Variants in TMEM132B observed in about 807,000 individuals in gnomAD.
TMEM132B encodes transmembrane protein 132B.
Under a neutral mutation model 90.8 loss-of-function variants are expected in TMEM132B, and 18 were observed. The ratio of observed to expected loss-of-function variants is 0.20; its 90% CI spans 0.14 to 0.29. TMEM132B has a LOEUF of 0.29. TMEM132B is among the 10% of genes least tolerant of loss of function. The probability of loss-of-function intolerance (pLI) is 1.00; values close to 1 mark genes in which losing one functional copy is unlikely to be tolerated. For missense variants in TMEM132B, 1,096 were observed against 1,326.8 expected (o/e 0.83, Z 2.70); for synonymous variants, 504 against 523.3 (o/e 0.96, Z 0.50).
chr12:125,267,709 T>C (rs1874728657), intron 1 of TMEM132B, among the ~76,000 whole-genome samples: 1 of 152,148 alleles, frequency 6.6e-6, no homozygotes, highest in Non-Finnish European at 1.5e-5. Flanking sequence ...GAGCATGGGT[T>C]AGGGGGGCAG....
At chr12:125,650,036 C>T (rs1341543515) in intron 6 of TMEM132B, among the ~76,000 whole-genome samples, 3 of 152,116 alleles carry the variant, frequency 2.0e-5, no homozygotes, top group African/African-American at 4.8e-5. Context: ...GATCCTTTGG[C>T]AAACTTTAGG....
chr12:125,516,687 A>G (rs1361883384), intron 3 of TMEM132B, among the ~76,000 whole-genome samples: 1 of 152,214 alleles, frequency 6.6e-6, no homozygotes, highest in African/African-American at 2.4e-5. Context: ...GTATGAATCT[A>G]GCAGGATGAA....
chr12:125,582,052 G>T (rs1161564510), intron 4 of TMEM132B, among the ~76,000 whole-genome samples: 2 of 151,822 alleles, frequency 1.3e-5, no homozygotes, highest in African/African-American at 2.4e-5. Context: ...TCTTAGATTG[G>T]GTTGTTATTG....
chr12:125,406,337 G>C lies in TMEM132B; in HGVS notation c.960-9194G>C, dbSNP rs947892395. ...ATACTACCCCTGCGGGGTTGCACGAGGCATCTGTGTATTAGCAGTGCAAGG... is the reference window on the plus strand; with the variant it reads ...ATACTACCCCTGCGGGGTTGCACGACGCATCTGTGTATTAGCAGTGCAAGG... On this transcript the variant is annotated intron_variant, in intron 2 of 8. Transcript: ENST00000682704. This position sits in a 1 kb window ranked among gnomAD's most constrained non-coding sequence, Gnocchi z 8.3. Among the ~76,000 whole-genome samples the C allele has an allele frequency of 2.0e-5, 3 of 152,242 alleles. No individual in the cohort carries two copies. Among genetic ancestry groups the C allele is most frequent in the Non-Finnish European group, 4.4e-5 (3 of 68,042 alleles).
intron 4 of TMEM132B, among the ~76,000 whole-genome samples, chr12:125,560,857 A>AG (rs1373583422): frequency 6.7e-6 from 1 of 149,360 alleles, no homozygotes; most frequent in African/African-American, 2.5e-5. Flanking sequence ...AAAAAAAAAA[A>AG]AAAGTCAGGA....
rs1003824168 is a variant in TMEM132B, at chr12:125,277,889, C to A, written c.68-71563C>A. 3.9e-5 allele frequency among the ~76,000 whole-genome samples: 6 copies of A among 152,206 alleles called. No individual in the cohort carries two copies. Among genetic ancestry groups the A allele is most frequent in the Admixed American group, 2.6e-4 (4 of 15,284 alleles). The stretch of plus-strand genomic sequence containing the variant: ...TTTGGCATCTCTAGAAAAATCAGAT[C>A]TATTCACAGAGGGCCAGCATTCTCC... On this transcript the variant is annotated intron_variant, in intron 1 of 8. Coordinates refer to ENST00000682704, the MANE Select transcript of TMEM132B (RefSeq NM_001366854.1). The surrounding 1 kb of genome is among the most constrained non-coding windows in gnomAD (Gnocchi z 4.3).
At chr12:125,220,008 T>C (rs4765232) in intron 1 of TMEM132B, among the ~76,000 whole-genome samples, 114,786 of 152,224 alleles carry the variant, frequency 0.75, 44,539 homozygotes, top group African/African-American at 0.94. Flanking sequence ...TCATTTGATT[T>C]TCATGACAGC....
chr12:125,392,911 G>A (rs1879066344), intron 2 of TMEM132B, among the ~76,000 whole-genome samples: 3 of 152,218 alleles, frequency 2.0e-5, no homozygotes, highest in Admixed American at 2.0e-4. Flanking sequence ...CCTGAGTGAT[G>A]GGGGAGGGTA....
Position 125,654,715 on chromosome 12 carries a change from C to G in TMEM132B, c.*5C>G. On this transcript the variant is annotated 3_prime_UTR_variant, in exon 9 of 9. Transcript: ENST00000682704. This position sits in a 1 kb window ranked among gnomAD's most constrained non-coding sequence, Gnocchi z 5.8. ...AGTCTGCAAGACCAGATGTAAACTC[C>G]TTTCTTATGTTTGTATTCACCTTTA... is the stretch of plus-strand genomic sequence containing the variant. 1.9e-6 allele frequency: 3 copies of G among 1,607,482 alleles called. No homozygotes were observed. Among genetic ancestry groups the G allele is most frequent in the Non-Finnish European group, 2.6e-6 (3 of 1,176,236 alleles).
intron 3 of TMEM132B, among the ~76,000 whole-genome samples, chr12:125,488,439 T>G (rs1882255234): frequency 6.6e-6 from 1 of 152,148 alleles, no homozygotes; most frequent in Admixed American, 6.5e-5. Context: ...CATGTGTCGT[T>G]TGAGGAACCT....
At chr12:125,276,507 T>C (rs1365542385) in intron 1 of TMEM132B, among the ~76,000 whole-genome samples, 1 of 152,236 alleles carries the variant, frequency 6.6e-6, no homozygotes, top group Non-Finnish European at 1.5e-5. Flanking sequence ...CCATGGGCTA[T>C]GCTTGATTTC....
At chr12:125,653,069 T>C (rs776947135) in intron 8 of TMEM132B, among the ~76,000 whole-genome samples, 8 of 152,194 alleles carry the variant, frequency 5.3e-5, no homozygotes, top group Non-Finnish European at 1.0e-4. Context: ...TAAACTTCTA[T>C]AAATTATTTC....
chr12:125,651,676 G>A (rs1886928713), intron 7 of TMEM132B, among the ~76,000 whole-genome samples: 1 of 152,154 alleles, frequency 6.6e-6, no homozygotes, highest in Non-Finnish European at 1.5e-5. Context: ...TGCAGGTCAG[G>A]CATCTGTGTG....
At chr12:125,374,075 G>A (rs1245657142) in intron 2 of TMEM132B, among the ~76,000 whole-genome samples, 1 of 152,230 alleles carries the variant, frequency 6.6e-6, no homozygotes, top group Non-Finnish European at 1.5e-5. Flanking sequence ...GATTACAGGT[G>A]TGAGCCACCA....
At chr12:125,290,394 C>G (rs976071304) in intron 1 of TMEM132B, among the ~76,000 whole-genome samples, 4 of 152,198 alleles carry the variant, frequency 2.6e-5, no homozygotes, top group African/African-American at 9.7e-5. Context: ...CTGACAGTTA[C>G]AATCGATGCT....
At chr12:125,281,064 C>T (rs1875154338) in intron 1 of TMEM132B, among the ~76,000 whole-genome samples, 1 of 152,168 alleles carries the variant, frequency 6.6e-6, no homozygotes, top group South Asian at 2.1e-4. Flanking sequence ...AGCATTTTGG[C>T]CTTGGGGTGG....
chr12:125,459,766 A>G lies in TMEM132B; in HGVS notation c.1106+44089A>G, dbSNP rs565150172. The stretch of plus-strand genomic sequence containing the variant: ...TGTCCCCACCCAAATCTCATCCTGA[A>G]TTGTAGCTCCCATAATTCCCATGTG... On this transcript the variant is annotated intron_variant, in intron 3 of 8. Coordinates refer to ENST00000682704, the MANE Select transcript of TMEM132B (RefSeq NM_001366854.1). The surrounding 1 kb of genome is among the most constrained non-coding windows in gnomAD (Gnocchi z 4.1). Among the ~76,000 whole-genome samples, 9 of 152,302 alleles carry G rather than the reference A, an allele frequency of 5.9e-5. No homozygotes were observed. The South Asian group carries it at 1.7e-3, about 28-fold the overall frequency.
chr12:125,556,453 G>A (rs969650202), intron 4 of TMEM132B, among the ~76,000 whole-genome samples: 8 of 152,190 alleles, frequency 5.3e-5, no homozygotes, highest in African/African-American at 1.7e-4. Flanking sequence ...ACTCCAGACG[G>A]TGGTATATGA....
intron 4 of TMEM132B, among the ~76,000 whole-genome samples, chr12:125,553,891 G>A (rs1188445240): frequency 6.6e-6 from 1 of 151,892 alleles, no homozygotes; most frequent in Non-Finnish European, 1.5e-5. Context: ...GGTAGTGTGG[G>A]GCCATGAAAA....
Sources: allele counts gnomAD v4.1 joint callset (sites outside exome capture counted in the v4.1 genomes callset), GRCh38; gene constraint gnomAD v4.1.1; non-coding constraint Gnocchi (gnomAD v3.1); transcripts MANE v1.5; gene names NCBI Gene and HGNC (gene_info 2026-07-23, HGNC 2026-07-21).